CNTN6: variants seen among roughly 807,000 people sequenced by gnomAD.
CNTN6 encodes contactin-6.
CNTN6 carries 137 observed loss-of-function variants against 122.8 expected under a neutral mutation model. The ratio of observed to expected loss-of-function variants is 1.12; its 90% CI spans 0.97 to 1.29. The LOEUF (loss-of-function observed/expected upper bound fraction) is 1.29. CNTN6 is among the 50% of genes most tolerant of loss of function. CNTN6 has a pLI of 0.00. For missense variants in CNTN6, 1,634 were observed against 1,223.4 expected (o/e 1.34, Z -5.01); for synonymous variants, 570 against 426.0 (o/e 1.34, Z -4.16).
At chr3:1,322,747 G>C (rs1042262655) in intron 8 of CNTN6, among the ~76,000 whole-genome samples, 27 of 151,360 alleles carry the variant, frequency 1.8e-4, no homozygotes. Flanking sequence ...TTGTGTGTCT[G>C]TAATATTATT....
Position 1,351,012 on chromosome 3 carries a change from T to G in CNTN6, c.1365-1312T>G, listed in dbSNP as rs368418948. Among the ~76,000 whole-genome samples the G allele has an allele frequency of 4.6e-5, 7 of 151,976 alleles. No individual in the cohort carries two copies. The East Asian group carries it at 1.2e-3, about 25-fold the overall frequency. On this transcript the variant is annotated intron_variant, in intron 11 of 22. Transcript: ENST00000446702. ...ACATCTCAGAAATTAAATAAGACAT[T>G]AAATGTCTGCTATGGGAGAATACTC... is the stretch of plus-strand genomic sequence containing the variant.
At chr3:1,235,229 A>T (rs1428201421) in intron 4 of CNTN6, among the ~76,000 whole-genome samples, 5 of 152,122 alleles carry the variant, frequency 3.3e-5, no homozygotes, top group African/African-American at 9.7e-5. Flanking sequence ...AAAGTAGGGG[A>T]TCCATTCTAT....
intron 1 of CNTN6, among the ~76,000 whole-genome samples, chr3:1,124,257 G>T (rs547570925): frequency 6.6e-6 from 1 of 151,898 alleles, no homozygotes; most frequent in East Asian, 1.9e-4. Flanking sequence ...AGGCCAACGC[G>T]CCAACACCAC....
intron 2 of CNTN6, chr3:1,173,252 G>A (rs1251205713): frequency 2.2e-6 from 1 of 456,620 alleles, no homozygotes; most frequent in Admixed American, 2.3e-5. Flanking sequence ...TTCGTCTCTG[G>A]CTTCTTCATT....
intron 11 of CNTN6, among the ~76,000 whole-genome samples, chr3:1,345,563 G>T (rs967635452): frequency 6.6e-6 from 1 of 152,074 alleles, no homozygotes; most frequent in Non-Finnish European, 1.5e-5. Flanking sequence ...TTAAAAGATA[G>T]CTTATTAAAT....
At chr3:1,400,188 C>T (rs1695507693) in intron 20 of CNTN6, among the ~76,000 whole-genome samples, 1 of 152,104 alleles carries the variant, frequency 6.6e-6, no homozygotes, top group Admixed American at 6.6e-5. Context: ...ATGCCAAAAA[C>T]ATCTTGTTGG....
intron 5 of CNTN6, among the ~76,000 whole-genome samples, chr3:1,285,649 G>T (rs1175042278): frequency 6.6e-6 from 1 of 152,084 alleles, no homozygotes; most frequent in East Asian, 1.9e-4. Flanking sequence ...TGTTAAAATT[G>T]TTAGTGTTAG....
chr3:1,204,279 C>G (rs2093927494), intron 2 of CNTN6, among the ~76,000 whole-genome samples: 1 of 152,144 alleles, frequency 6.6e-6, no homozygotes, highest in African/African-American at 2.4e-5. Flanking sequence ...AGCATCTTTA[C>G]TCTGAGACAT....
At chr3:1,284,005 GCAAA>G (rs1040744077) in intron 5 of CNTN6, among the ~76,000 whole-genome samples, 29 of 152,072 alleles carry the variant, frequency 1.9e-4, no homozygotes, top group South Asian at 1.9e-3. Flanking sequence ...ATCTCAAAAA[GCAAA>G]CAAACAAACA....
Position 1,343,510 on chromosome 3 carries a change from T to G in CNTN6, c.1365-8814T>G, listed in dbSNP as rs554636794. ...GTGGTTGTTTGACTAAATCGCTTTC[T>G]GTTAGGGGACTGAATTGATTGATAA... On this transcript the variant is annotated intron_variant, in intron 11 of 22. Coordinates refer to ENST00000446702, the MANE Select transcript of CNTN6 (RefSeq NM_001289080.2). 1.1e-3 allele frequency among the ~76,000 whole-genome samples: 165 copies of G among 152,290 alleles called. 1 individual carries two copies. Among genetic ancestry groups the G allele is most frequent in the African/African-American group, 3.8e-3 (158 of 41,566 alleles).
At chr3:1,302,178 T>C (rs1035232007) in intron 7 of CNTN6, among the ~76,000 whole-genome samples, 5 of 152,196 alleles carry the variant, frequency 3.3e-5, no homozygotes, top group Non-Finnish European at 7.4e-5. Context: ...AAGTCTATTG[T>C]TTATTATAAA....
intron 11 of CNTN6, among the ~76,000 whole-genome samples, chr3:1,337,862 G>A (rs1055305289): frequency 6.6e-6 from 1 of 152,042 alleles, no homozygotes; most frequent in Admixed American, 6.6e-5. Flanking sequence ...GTGTGCCCCT[G>A]TCAGTCTTGT....
intron 4 of CNTN6, among the ~76,000 whole-genome samples, chr3:1,273,779 T>C (rs1691814374): frequency 6.6e-6 from 1 of 152,208 alleles, no homozygotes; most frequent in Non-Finnish European, 1.5e-5. Flanking sequence ...AGAAATCCCA[T>C]TGTAATCATA....
At chr3:1,131,978 C>T (rs2092348022) in intron 1 of CNTN6, among the ~76,000 whole-genome samples, 1 of 151,978 alleles carries the variant, frequency 6.6e-6, no homozygotes, top group African/African-American at 2.4e-5. Context: ...CCAAAAATAC[C>T]ACTCTGGCCA....
intron 20 of CNTN6, among the ~76,000 whole-genome samples, chr3:1,386,875 A>C (rs1009793626): frequency 6.6e-6 from 1 of 152,188 alleles, no homozygotes; most frequent in African/African-American, 2.4e-5. Flanking sequence ...TTTGAAAATA[A>C]AGTTATATTA....
intron 4 of CNTN6, among the ~76,000 whole-genome samples, chr3:1,252,363 T>C (rs181349915): frequency 1.3e-5 from 2 of 152,304 alleles, no homozygotes; most frequent in Admixed American, 6.5e-5. Context: ...TTACTACAAT[T>C]GTGATTCCTG....
At chr3:1,186,198 G>A (rs2093626004) in intron 2 of CNTN6, among the ~76,000 whole-genome samples, 1 of 152,168 alleles carries the variant, frequency 6.6e-6, no homozygotes, top group South Asian at 2.1e-4. Context: ...ATTTTAAGAA[G>A]TATTCAGAAG....
intron 11 of CNTN6, among the ~76,000 whole-genome samples, chr3:1,350,037 A>G (rs902424355): frequency 2.6e-5 from 4 of 151,828 alleles, no homozygotes; most frequent in African/African-American, 9.7e-5. Flanking sequence ...AATGTATGTT[A>G]TTATTCTTTT....
chr3:1,358,267 T>C (rs1387528510), intron 12 of CNTN6, among the ~76,000 whole-genome samples: 2 of 151,966 alleles, frequency 1.3e-5, no homozygotes, highest in Non-Finnish European at 2.9e-5. Context: ...TTAAGTCTTT[T>C]TGATCTTTAG....
Sources: gnomAD v4.1 joint callset for allele counts (sites outside exome capture counted in the v4.1 genomes callset) on GRCh38, gnomAD v4.1.1 for gene constraint, MANE v1.5 for transcripts, NCBI Gene and HGNC (gene_info 2026-07-23, HGNC 2026-07-21) for gene names.